Variants in SEMA4D observed in about 807,000 individuals in gnomAD.
SEMA4D encodes the protein semaphorin 4D, also known as semaphorin-4D.
In SEMA4D, 22 loss-of-function variants were observed where a neutral mutation model predicts 74.8. That is an observed-to-expected ratio of 0.29 (90% CI 0.21 to 0.42). The LOEUF is 0.42. SEMA4D is among the 10% of genes least tolerant of loss of function. The pLI is 1.00. For synonymous variants in SEMA4D, 445 were observed against 463.7 expected (o/e 0.96, Z 0.52); for missense variants, 937 against 1,118.4 (o/e 0.84, Z 2.31).
At chr9:89,445,970 C>T (rs1215543098) in intron 2 of SEMA4D, among the ~76,000 whole-genome samples, 1 of 152,138 alleles carries the variant, frequency 6.6e-6, no homozygotes, top group East Asian at 1.9e-4. Flanking sequence ...ACGAGACCCT[C>T]ATGTCCCGGA....
In SEMA4D at chr9:89,492,266, C is replaced by T. The variant is rs556145391; in HGVS notation, c.-310+5653G>A. Among the ~76,000 whole-genome samples the T allele has an allele frequency of 2.0e-5, 3 of 152,268 alleles. No individual in the cohort carries two copies. Among genetic ancestry groups the T allele is most frequent in the East Asian group, 3.9e-4 (2 of 5,180 alleles). ...GCTGTCACCCTCCCTCTCATGCAAGCTGCATGTGGCCTCCAGGATGCCCTC... is the reference window on the plus strand; with the variant it reads ...GCTGTCACCCTCCCTCTCATGCAAGTTGCATGTGGCCTCCAGGATGCCCTC... On this transcript the variant is annotated intron_variant, in intron 1 of 15. Coordinates refer to ENST00000422704, the MANE Select transcript of SEMA4D (RefSeq NM_001371194.2). This position sits in a 1 kb window ranked among gnomAD's most constrained non-coding sequence, Gnocchi z 4.3.
rs1045180368 is a variant in SEMA4D at position 89,492,789 on chromosome 9, G to A, written c.-310+5130C>T. 1.3e-5 allele frequency among the ~76,000 whole-genome samples: 2 copies of A among 152,044 alleles called. No individual in the cohort carries two copies. The highest frequency in any genetic ancestry group is 6.6e-5 in the Admixed American group (1 of 15,260). ...TGCCTCCCACCCGAGGAGACTGCCC[G>A]AGCTCCTGCAAGGCCCGCCCCGCAC... is the stretch of plus-strand genomic sequence containing the variant. On this transcript the variant is annotated intron_variant, in intron 1 of 15. Transcript: ENST00000422704. This position sits in a 1 kb window ranked among gnomAD's most constrained non-coding sequence, Gnocchi z 4.3.
chr9:89,412,377 A>G (rs1321353747), intron 2 of SEMA4D, among the ~76,000 whole-genome samples: 1 of 152,244 alleles, frequency 6.6e-6, no homozygotes, highest in African/African-American at 2.4e-5. Flanking sequence ...CAGGAGTGTC[A>G]GCAGGTGCCC....
intron 1 of SEMA4D, among the ~76,000 whole-genome samples, chr9:89,458,580 G>A (rs909846415): frequency 1.3e-5 from 2 of 151,592 alleles, no homozygotes; most frequent in South Asian, 4.2e-4. Context: ...ACACTTACAT[G>A]CACACACGTA....
Position 89,417,885 on chromosome 9 carries a change from A to T in SEMA4D, c.-243-12186T>A, listed in dbSNP as rs1349960663. Among the ~76,000 whole-genome samples, 3 of 151,694 alleles carry T rather than the reference A, an allele frequency of 2.0e-5. No individual in the cohort carries two copies. In the East Asian group the frequency reaches 5.8e-4, roughly 29 times the overall value. ...CAATCACTGTGGGTGCCCAGCACCC[A>T]CCTCCCCATGCCGGGCCCAAGGGAT... On this transcript the variant is annotated intron_variant, in intron 2 of 15. Coordinates refer to ENST00000422704, the MANE Select transcript of SEMA4D (RefSeq NM_001371194.2).
At chr9:89,478,973 G>A (rs1862478758) in intron 1 of SEMA4D, among the ~76,000 whole-genome samples, 1 of 152,186 alleles carries the variant, frequency 6.6e-6, no homozygotes, top group African/African-American at 2.4e-5. Flanking sequence ...GGACACCAAA[G>A]CTGACACACC....
At chr9:89,364,421 G>C (rs919653567) in intron 16 of SEMA4D, 9 of 238,660 alleles carry the variant, frequency 3.8e-5, no homozygotes, top group Admixed American at 2.5e-4. Flanking sequence ...GGCTGGGCCA[G>C]AGTGGGGACC....
intron 1 of SEMA4D, chr9:89,472,528 C>T (rs191022777): frequency 7.6e-6 from 2 of 262,142 alleles, no homozygotes. Flanking sequence ...ACAGTCCTAA[C>T]GACATGGTGG....
chr9:89,474,455 C>T (rs1202207368), intron 1 of SEMA4D, among the ~76,000 whole-genome samples: 1 of 152,218 alleles, frequency 6.6e-6, no homozygotes, highest in African/African-American at 2.4e-5. Context: ...TTTGTATACA[C>T]AGATGAAAGC....
intron 2 of SEMA4D, among the ~76,000 whole-genome samples, chr9:89,444,323 C>T (rs1459231959): frequency 6.6e-6 from 1 of 152,274 alleles, no homozygotes; most frequent in East Asian, 1.9e-4. Flanking sequence ...CAGGCAAACA[C>T]ATACAGGCAT....
At chr9:89,410,277 G>A (rs964345321) in intron 2 of SEMA4D, among the ~76,000 whole-genome samples, 1 of 152,198 alleles carries the variant, frequency 6.6e-6, no homozygotes. Context: ...GAATGCACAC[G>A]ATACTAGAAA....
rs140139927 is a variant in SEMA4D, at chr9:89,381,056, C to T, written c.1662G>A (p.Pro554=). ...ATGGGACGTCGAGGAGTCACTCACCCGGGCACACAGAAGCATCGCCGCTCA... is the reference window on the plus strand; with the variant it reads ...ATGGGACGTCGAGGAGTCACTCACCTGGGCACACAGAAGCATCGCCGCTCA... ...QEMSGDASVC[P]DKSKGSYRQH... Residue 554 remains proline (P), a splice_region_variant and synonymous_variant, in exon 15 of 16, where the codon CCG becomes CCA. Transcript: ENST00000422704. The surrounding 1 kb of genome is among the most constrained non-coding windows in gnomAD (Gnocchi z 4.6). The T allele has an allele frequency of 2.2e-5, 36 of 1,613,960 alleles. No individual in the cohort carries two copies. The Admixed American group carries it at 3.0e-4, about 13-fold the overall frequency.
At chr9:89,465,057 T>G (rs1295560442) in intron 1 of SEMA4D, among the ~76,000 whole-genome samples, 1 of 152,180 alleles carries the variant, frequency 6.6e-6, no homozygotes, top group Non-Finnish European at 1.5e-5. Flanking sequence ...CTGACCAACC[T>G]GTCAGGGGCA....
rs748865555 is a variant in SEMA4D, at chr9:89,393,668, A to G, written c.415-13T>C. The G allele has an allele frequency of 5.2e-5, 82 of 1,583,872 alleles. No individual in the cohort carries two copies. Among genetic ancestry groups the G allele is most frequent in the Admixed American group, 3.3e-4 (20 of 59,968 alleles). On this transcript the variant is annotated splice_polypyrimidine_tract_variant and intron_variant, in intron 6 of 15. Coordinates refer to ENST00000422704, the MANE Select transcript of SEMA4D (RefSeq NM_001371194.2). ...AGGATGTTAAGTTCTACAATTGAAT[A>G]AAAAGAGAGCACATCATCAGATGGC...
Position 89,495,435 on chromosome 9 carries a change from T to C in SEMA4D, c.-310+2484A>G, listed in dbSNP as rs187667925. ...TATCTCCTCCAGCAGCCCTGGACCC[T>C]GGACGGCAATGGTGATGGGGATGGG... On this transcript the variant is annotated intron_variant, in intron 1 of 15. Transcript: ENST00000422704. Among the ~76,000 whole-genome samples the C allele has an allele frequency of 9.9e-4, 151 of 152,204 alleles. 1 individual carries two copies. Among genetic ancestry groups the C allele is most frequent in the African/African-American group, 3.5e-3 (147 of 41,538 alleles).
intron 1 of SEMA4D, among the ~76,000 whole-genome samples, chr9:89,473,104 G>A (rs183114145): frequency 5.8e-4 from 89 of 152,224 alleles, no homozygotes; most frequent in Non-Finnish European, 1.1e-3. Flanking sequence ...TAAAGTATTG[G>A]AAAGGAAGCG....
intron 4 of SEMA4D, 125 bp downstream of exon 4, chr9:89,402,746 G>A (rs1307358008): frequency 9.8e-7 from 1 of 1,021,074 alleles, no homozygotes; most frequent in South Asian, 1.6e-5. Context: ...CAAAGATGGG[G>A]CTGCATGGTC....
At chr9:89,481,165 T>G (rs1002139308) in intron 1 of SEMA4D, among the ~76,000 whole-genome samples, 7 of 152,256 alleles carry the variant, frequency 4.6e-5, no homozygotes, top group African/African-American at 1.7e-4. Context: ...ACAGAAACTG[T>G]GAAGCTGAAA....
chr9:89,363,564 T>C lies in SEMA4D; in HGVS notation c.2093-37A>G, dbSNP rs1833093987. The C allele has an allele frequency of 2.5e-6, 4 of 1,612,022 alleles. No homozygotes were observed. In the East Asian group the frequency reaches 8.9e-5, roughly 36 times the overall value. On this transcript the variant is annotated intron_variant, in intron 17 of 18. Transcript: ENST00000339861. ...GCAGGGTCCCCAGGTCAAAGCTCTGTGGGCCTTTATGGCACCCTTGATGCC... is the reference window on the plus strand; with the variant it reads ...GCAGGGTCCCCAGGTCAAAGCTCTGCGGGCCTTTATGGCACCCTTGATGCC...
Sources: allele counts gnomAD v4.1 joint callset (sites outside exome capture counted in the v4.1 genomes callset), GRCh38; gene constraint gnomAD v4.1.1; non-coding constraint Gnocchi (gnomAD v3.1); transcripts MANE v1.5; gene names NCBI Gene and HGNC (gene_info 2026-07-23, HGNC 2026-07-21).